SDK1: variants seen among roughly 807,000 people sequenced by gnomAD.
The protein encoded by SDK1 is protein sidekick-1.
A neutral mutation model predicts 245.5 loss-of-function variants in SDK1; 157 were observed. That is an observed-to-expected ratio of 0.64 (90% CI 0.56 to 0.73). The LOEUF is 0.73. SDK1 is among the 30% of genes least tolerant of loss of function. The probability of loss-of-function intolerance (pLI) is 0.00; values close to 1 mark genes in which losing one functional copy is unlikely to be tolerated. For synonymous variants in SDK1, 1,647 were observed against 1,278.5 expected, an observed-to-expected ratio of 1.29 and a Z score of -6.15; for missense variants, 3,583 against 3,002.3, an observed-to-expected ratio of 1.19 and a Z score of -4.52.
chr7:3,782,723 G>A (rs1171904570), intron 4 of SDK1, among the ~76,000 whole-genome samples: 2 of 152,094 alleles, frequency 1.3e-5, no homozygotes, highest in Non-Finnish European at 2.9e-5. Flanking sequence ...TAACGCAAGG[G>A]TATCATACTG....
intron 1 of SDK1, among the ~76,000 whole-genome samples, chr7:3,500,028 CA>C (rs781142073): frequency 3.2e-4 from 48 of 152,090 alleles, no homozygotes; most frequent in Non-Finnish European, 5.9e-4. Context: ...GACAAGTAGC[CA>C]TAGGAGTCCT....
chr7:3,857,875 A>C (rs1780585643), intron 5 of SDK1, among the ~76,000 whole-genome samples: 2 of 152,234 alleles, frequency 1.3e-5, no homozygotes, highest in South Asian at 4.1e-4. Flanking sequence ...CAAAGCTATT[A>C]AATATTTTTG....
chr7:3,762,689 T>C (rs975824101), intron 4 of SDK1, among the ~76,000 whole-genome samples: 5 of 152,194 alleles, frequency 3.3e-5, no homozygotes, highest in African/African-American at 1.2e-4. Context: ...ACAGAGGGGA[T>C]GTAACATTCA....
At chr7:3,874,743 G>C in intron 5 of SDK1, among the ~76,000 whole-genome samples, 1 of 152,076 alleles carries the variant, frequency 6.6e-6, no homozygotes, top group Non-Finnish European at 1.5e-5. Flanking sequence ...TGCAGAGTTT[G>C]GTGGTAGCTA....
intron 4 of SDK1, among the ~76,000 whole-genome samples, chr7:3,785,058 T>C (rs1050461237): frequency 6.6e-6 from 1 of 152,188 alleles, no homozygotes; most frequent in African/African-American, 2.4e-5. Flanking sequence ...TGCAGCAGCA[T>C]GGATGGAATC....
intron 41 of SDK1, among the ~76,000 whole-genome samples, chr7:4,237,377 G>C (rs969676872): frequency 6.6e-6 from 1 of 152,050 alleles, no homozygotes; most frequent in Admixed American, 6.6e-5. Flanking sequence ...GCAGGGGGCA[G>C]CTTGGAGGAC....
intron 4 of SDK1, among the ~76,000 whole-genome samples, chr7:3,693,284 A>G (rs1347959925): frequency 2.0e-5 from 3 of 151,992 alleles, no homozygotes; most frequent in East Asian, 1.9e-4. Context: ...CCCTTTTTGC[A>G]TAAAAATGTC....
rs144079338 is a variant in SDK1, at chr7:3,322,960, C to T, written c.298+21076C>T. Among the ~76,000 whole-genome samples the T allele has an allele frequency of 4.4e-3, 670 of 152,214 alleles. 7 individuals carry two copies. The highest frequency in any genetic ancestry group is 0.015 in the African/African-American group (612 of 41,514). On this transcript the variant is annotated intron_variant, in intron 1 of 44. Coordinates refer to ENST00000404826, the MANE Select transcript of SDK1 (RefSeq NM_152744.4). ...AAGTAGCTGGGATCACAGGTGTGTG[C>T]CGCCACACCTGGCTCATTTTTGTTT...
At chr7:3,424,797 T>C (rs906678389) in intron 1 of SDK1, among the ~76,000 whole-genome samples, 1 of 152,022 alleles carries the variant, frequency 6.6e-6, no homozygotes, top group Non-Finnish European at 1.5e-5. Flanking sequence ...CTTGGGAGAC[T>C]GAGGCATGAG....
At position 3,897,748 on chromosome 7, in the gene SDK1, T is replaced by C. The variant is rs529616646; in HGVS notation, c.848-53175T>C. 7.5e-3 allele frequency among the ~76,000 whole-genome samples: 630 copies of C among 83,930 alleles called. 4 individuals are homozygous for C. Among genetic ancestry groups the C allele is most frequent in the African/African-American group, 0.054 (601 of 11,080 alleles). The allele number at this position is 83,930 out of a possible 152,430, so 55.1% of individuals were successfully genotyped here. ...GTAGTTCAACTTGTTTTTACAGCTG[T>C]GTGTGTGTGTGTGTGTGTTATAATG... is the stretch of plus-strand genomic sequence containing the variant. On this transcript the variant is annotated intron_variant, in intron 5 of 44. Coordinates refer to ENST00000404826, the MANE Select transcript of SDK1 (RefSeq NM_152744.4).
intron 22 of SDK1, among the ~76,000 whole-genome samples, chr7:4,106,034 AG>A (rs1055346036): frequency 2.7e-4 from 41 of 152,304 alleles, no homozygotes; most frequent in Admixed American, 2.2e-3. Flanking sequence ...CTGGGCGGGA[AG>A]GGCAGGGTAG....
In SDK1 at chr7:3,301,270, C is replaced by CGGGCGG. The variant is rs1779240908; in HGVS notation, c.-310_-305dup. On this transcript the variant is annotated 5_prime_UTR_variant, in exon 1 of 45. Coordinates refer to ENST00000404826, the MANE Select transcript of SDK1 (RefSeq NM_152744.4). ...GGCGGGCGCACTTTCTTCTCAGCGC[C>CGGGCGG]GGGCGGGGGCGGCGGCGGCGGCGGC... Among the ~76,000 whole-genome samples, 1 of 137,744 alleles carries CGGGCGG rather than the reference C, an allele frequency of 7.3e-6. No individual in the cohort carries two copies. The highest frequency in any genetic ancestry group is 6.9e-5 in the Admixed American group (1 of 14,472). The allele number at this position is 137,744 out of a possible 152,430, so 90.4% of individuals were successfully genotyped here.
At chr7:3,559,626 C>T (rs1208448668) in intron 1 of SDK1, among the ~76,000 whole-genome samples, 2 of 151,994 alleles carry the variant, frequency 1.3e-5, no homozygotes, top group Non-Finnish European at 1.5e-5. Flanking sequence ...TGCCTGCAGC[C>T]CTGTTTTAAC....
intron 4 of SDK1, among the ~76,000 whole-genome samples, chr7:3,715,682 A>G (rs975437148): frequency 6.6e-6 from 1 of 152,238 alleles, no homozygotes; most frequent in Non-Finnish European, 1.5e-5. Context: ...GCCATCTAAA[A>G]TAAAAGATTT....
chr7:3,558,150 T>C (rs1197130003), intron 1 of SDK1, among the ~76,000 whole-genome samples: 3 of 152,212 alleles, frequency 2.0e-5, no homozygotes, highest in Non-Finnish European at 4.4e-5. Flanking sequence ...ATCAGATGTT[T>C]TTAGCTTACA....
intron 28 of SDK1, among the ~76,000 whole-genome samples, chr7:4,144,741 A>G (rs577407729): frequency 3.3e-5 from 5 of 152,216 alleles, no homozygotes; most frequent in South Asian, 4.1e-4. Flanking sequence ...GCTCCTCCCC[A>G]CAGAGGGTGA....
chr7:3,433,485 C>T (rs571949158), intron 1 of SDK1, among the ~76,000 whole-genome samples: 4 of 152,098 alleles, frequency 2.6e-5, no homozygotes, highest in Admixed American at 2.6e-4. Context: ...AAACTCTCCT[C>T]TTTTTCTCTT....
chr7:3,364,390 G>A (rs1781032517), intron 1 of SDK1, among the ~76,000 whole-genome samples: 1 of 152,134 alleles, frequency 6.6e-6, no homozygotes, highest in South Asian at 2.1e-4. Flanking sequence ...CTCGTGTGTT[G>A]GTTTCTTTTA....
chr7:3,571,976 G>A (rs9791502), intron 1 of SDK1, among the ~76,000 whole-genome samples: 78,914 of 151,836 alleles, frequency 0.52, 21,769 homozygotes, highest in African/African-American at 0.67. Flanking sequence ...GCTATCTGCT[G>A]TTAGGAAAAA....
Sources: gnomAD v4.1 joint callset for allele counts (sites outside exome capture counted in the v4.1 genomes callset) on GRCh38, gnomAD v4.1.1 for gene constraint, MANE v1.5 for transcripts, NCBI Gene and HGNC (gene_info 2026-07-23, HGNC 2026-07-21) for gene names.